The following KDM2A variants were observed in gnomAD, a reference collection of about 807,000 sequenced individuals.
KDM2A encodes the protein lysine-specific demethylase 2A.
KDM2A carries 3 observed loss-of-function variants against 137.3 expected under a neutral mutation model. The ratio of observed to expected loss-of-function variants is 0.02; its 90% CI spans 0.01 to 0.06. The LOEUF (loss-of-function observed/expected upper bound fraction) is 0.06. Ranked by LOEUF, KDM2A falls within the 10% of genes least tolerant of loss-of-function variation. The pLI is 1.00. For missense variants in KDM2A, 738 were observed against 1,510.6 expected, an observed-to-expected ratio of 0.49 and a Z score of 8.48; for synonymous variants, 512 against 541.5, an observed-to-expected ratio of 0.95 and a Z score of 0.76.
intron 13 of KDM2A, chr11:67,243,793 G>A (rs898792862): frequency 1.3e-5 from 2 of 152,066 alleles, no homozygotes; most frequent in Non-Finnish European, 2.9e-5. Context: ...TCAGCCTGGG[G>A]GACAAGAGCG....
chr11:67,252,701 G>A lies in KDM2A; in HGVS notation c.2776G>A (p.Asp926Asn), dbSNP rs1394383595. 2 of 1,613,910 alleles carry A rather than the reference G, an allele frequency of 1.2e-6. No individual in the cohort carries two copies. The highest frequency in any genetic ancestry group is 2.2e-5 in the East Asian group (1 of 44,892). The change falls in exon 18 of 21, where the codon GAC becomes AAC. Residue 926 changes from aspartate (D) to asparagine (N), a missense_variant. Asp to Asn is a conservative substitution (Grantham distance 23). Coordinates refer to ENST00000529006, the MANE Select transcript of KDM2A (RefSeq NM_012308.3). ...TCTTCCCTTCTATCACAGGTGCTGC[G>A]ACAAGAGACTTTGGACAAAAATTGA... The part of the protein sequence containing the change: ...VCKTWYKWCC[D>N]KRLWTKIDLS...
intron 15 of KDM2A, among the ~76,000 whole-genome samples, chr11:67,247,763 C>G: frequency 6.6e-6 from 1 of 152,192 alleles, no homozygotes; most frequent in East Asian, 1.9e-4. Flanking sequence ...TTAATTATAA[C>G]TTGGTGAAGA....
Position 67,245,772 on chromosome 11 carries a change from ATAAACT to A in KDM2A, c.1834-212_1834-207del, listed in dbSNP as rs1168690120. 1.1e-5 allele frequency: 7 copies of A among 620,328 alleles called. No homozygotes were observed. The highest frequency in any genetic ancestry group is 1.9e-5 in the Non-Finnish European group (7 of 362,926). 38.4% of individuals were successfully genotyped at this position (620,328 alleles called of 1,614,324 possible). On this transcript the variant is annotated intron_variant, in intron 14 of 20. Coordinates refer to ENST00000529006, the MANE Select transcript of KDM2A (RefSeq NM_012308.3). This position sits in a 1 kb window ranked among gnomAD's most constrained non-coding sequence, Gnocchi z 4.1. ...GAGGCCAAGTATAGGCCAACTGAAA[ATAAACT>A]AGTCTCTGGTGCCCAGGTGGTTGAG...
intron 2 of KDM2A, among the ~76,000 whole-genome samples, chr11:67,130,291 C>G (rs1275690785): frequency 1.3e-5 from 2 of 152,128 alleles, no homozygotes; most frequent in African/African-American, 2.4e-5. Context: ...CACCTGACTG[C>G]TCTTTACCAC....
intron 6 of KDM2A, among the ~76,000 whole-genome samples, chr11:67,213,097 T>A (rs919465510): frequency 2.0e-5 from 3 of 152,170 alleles, no homozygotes; most frequent in African/African-American, 7.2e-5. Flanking sequence ...ATCTTGTTTG[T>A]TTCTTCCATG....
At chr11:67,213,613 G>A (rs2136391832) in intron 6 of KDM2A, among the ~76,000 whole-genome samples, 1 of 152,052 alleles carries the variant, frequency 6.6e-6, no homozygotes, top group South Asian at 2.1e-4. Context: ...ACAAAAATTA[G>A]TTAGGTGCGG....
chr11:67,231,484 C>G, intron 11 of KDM2A, 82 bp from the exon 12 acceptor site: 1 of 1,256,204 alleles, frequency 8.0e-7, no homozygotes, highest in South Asian at 1.6e-5. Context: ...AGCCTCAAGG[C>G]CCCTATCATG....
chr11:67,121,333 A>G lies in KDM2A; in HGVS notation c.17A>G (p.Glu6Gly). Residue 6 changes from glutamate to glycine, a missense_variant, in exon 2 of 21, where the codon GAA (glutamate) becomes GGA (glycine). Physicochemically the swap from Glu to Gly is moderately conservative, Grantham distance 98. This residue lies in a region of KDM2A where 74 missense variants were observed against 181.8 expected (regional missense o/e 0.41). Transcript: ENST00000529006. MEPEE[E>G]RIRYSQRLRG... The stretch of plus-strand genomic sequence containing the variant: ...GAGTGAGAGATGGAACCCGAAGAAG[A>G]AAGGATTCGTTACAGCCAGAGATTG... 2 of 1,613,846 alleles carry G rather than the reference A, an allele frequency of 1.2e-6. No individual in the cohort carries two copies. The highest frequency in any genetic ancestry group is 1.7e-6 in the Non-Finnish European group (2 of 1,179,806).
intron 6 of KDM2A, among the ~76,000 whole-genome samples, chr11:67,213,326 T>C (rs906407614): frequency 2.0e-5 from 3 of 152,366 alleles, no homozygotes; most frequent in South Asian, 4.1e-4. Flanking sequence ...GCTGAATTCA[T>C]GGTGGTTTGG....
intron 9 of KDM2A, among the ~76,000 whole-genome samples, 161 bp from the exon 10 acceptor site, chr11:67,219,127 A>G (rs1391538907): frequency 3.3e-5 from 5 of 152,230 alleles, no homozygotes; most frequent in Non-Finnish European, 5.9e-5. Context: ...TCCTGGTTTT[A>G]TAGAGGAAAT....
chr11:67,232,733 A>G (rs767345174), intron 12 of KDM2A, among the ~76,000 whole-genome samples: 7 of 148,116 alleles, frequency 4.7e-5, no homozygotes, highest in Non-Finnish European at 8.9e-5. Flanking sequence ...TTTGAGACGG[A>G]GTCTCACTCT....
chr11:67,176,426 A>G (rs1392840819), intron 2 of KDM2A, among the ~76,000 whole-genome samples: 3 of 152,204 alleles, frequency 2.0e-5, no homozygotes, highest in African/African-American at 7.2e-5. Flanking sequence ...ATAAAGGTAG[A>G]GTGACTTTAT....
chr11:67,151,870 G>A (rs1043194736), intron 2 of KDM2A, among the ~76,000 whole-genome samples: 1 of 151,912 alleles, frequency 6.6e-6, no homozygotes, highest in African/African-American at 2.4e-5. Flanking sequence ...TCAACCTCCT[G>A]CGTAGCTAGG....
At chr11:67,177,502 A>G (rs1405196782) in intron 2 of KDM2A, among the ~76,000 whole-genome samples, 1 of 152,120 alleles carries the variant, frequency 6.6e-6, no homozygotes, top group Non-Finnish European at 1.5e-5. Context: ...AGACATAAAC[A>G]TACACATCAG....
intron 5 of KDM2A, among the ~76,000 whole-genome samples, chr11:67,197,717 T>C (rs992468319): frequency 6.6e-6 from 1 of 152,224 alleles, no homozygotes; most frequent in South Asian, 2.1e-4. Context: ...AAAACTGTCC[T>C]GAGCTACACT....
chr11:67,213,065 T>C (rs1858040506), intron 6 of KDM2A, among the ~76,000 whole-genome samples: 1 of 152,214 alleles, frequency 6.6e-6, no homozygotes, highest in Non-Finnish European at 1.5e-5. Flanking sequence ...GAACAGCAGG[T>C]TAACCTTAAC....
intron 5 of KDM2A, among the ~76,000 whole-genome samples, chr11:67,206,873 T>A (rs1407297600): frequency 2.6e-5 from 4 of 152,266 alleles, no homozygotes; most frequent in Admixed American, 2.0e-4. Flanking sequence ...TGATATAGAT[T>A]TTCGTGTCCA....
chr11:67,180,454 T>C (rs1441019570), intron 3 of KDM2A: 2 of 364,364 alleles, frequency 5.5e-6, no homozygotes, highest in African/African-American at 4.2e-5. Flanking sequence ...TTGTTGGATT[T>C]TTTTGCCTAA....
Position 67,231,783 on chromosome 11 carries a change from C to A in KDM2A, c.1302C>A (p.His434Gln). 1 of 1,614,042 alleles carries A rather than the reference C, an allele frequency of 6.2e-7. No individual in the cohort carries two copies. The highest frequency in any genetic ancestry group is 1.1e-5 in the South Asian group (1 of 91,092). ...CTTCTGACTGTAGCCGGGGCTCCCA[C>A]AATGGACAAGTGTGGGATCCCCAGT... ...DSSSDCSRGS[H>Q]NGQVWDPQCA... is the part of the protein sequence containing the mutation. The change falls in exon 12 of 21, where the codon CAC becomes CAA. Residue 434 changes from histidine (H) to glutamine (Q), a missense_variant. His to Gln is a conservative substitution (Grantham distance 24, BLOSUM62 0). Transcript: ENST00000529006.
Sources: allele counts gnomAD v4.1 joint callset (sites outside exome capture counted in the v4.1 genomes callset), GRCh38; gene constraint gnomAD v4.1.1; regional missense constraint gnomAD v4.1.1; non-coding constraint Gnocchi (gnomAD v3.1); transcripts MANE v1.5; gene names NCBI Gene and HGNC (gene_info 2026-07-23, HGNC 2026-07-21).